Variants in STARD3NL observed in about 807,000 individuals in gnomAD.
STARD3NL encodes STARD3 N-terminal-like protein.
Under a neutral mutation model 30.9 loss-of-function variants are expected in STARD3NL, and 17 were observed. The observed-to-expected ratio is 0.55, with a 90% CI of 0.38 to 0.82. STARD3NL has a LOEUF of 0.82. Among genes scored for constraint, STARD3NL ranks in the 40% least tolerant of loss-of-function variants. The pLI, the probability that STARD3NL is intolerant of heterozygous loss-of-function variation, is 0.00. For synonymous variants in STARD3NL, 112 were observed against 100.5 expected (o/e 1.11, Z -0.69); for missense variants, 234 against 277.6 (o/e 0.84, Z 1.12).
At chr7:38,186,191 G>A (rs1310510252) in intron 1 of STARD3NL, among the ~76,000 whole-genome samples, 4 of 152,170 alleles carry the variant, frequency 2.6e-5, no homozygotes, top group African/African-American at 7.2e-5. Flanking sequence ...ACACTGAGGA[G>A]CAACACGACT....
chr7:38,224,410 C>T (rs974293309), intron 7 of STARD3NL, among the ~76,000 whole-genome samples: 8 of 152,134 alleles, frequency 5.3e-5, no homozygotes, highest in Non-Finnish European at 1.2e-4. Flanking sequence ...TTTTATTTTA[C>T]GTTCCCTCCA....
In STARD3NL at chr7:38,219,654, G is replaced by A. The variant is rs141608996; in HGVS notation, c.643G>A (p.Glu215Lys). 18 of 1,611,526 alleles carry A rather than the reference G, an allele frequency of 1.1e-5. No homozygotes were observed. The Middle Eastern group carries it at 5.0e-4, about 44-fold the overall frequency. ...TCAGTTTTATTCCCCTCCTGAATCC[G>A]AAGCAGGTAAAAAACTTGATTATTA... ...DGQFYSPPES[E>K]AGSEEAEEKQ... The change falls in exon 7 of 9, where the codon GAA becomes AAA. Residue 215 changes from glutamate (E) to lysine (K), a missense_variant. Physicochemically the swap from Glu to Lys is moderately conservative, Grantham distance 56. Coordinates refer to ENST00000009041, the MANE Select transcript of STARD3NL (RefSeq NM_032016.4).
chr7:38,206,003 C>T lies in STARD3NL; in HGVS notation c.-58-1444C>T, dbSNP rs950783133. ...ATCTTATTTCACATAATCAAATTGC[C>T]TTCATAAATGCTGTGCCATTTTACC... On this transcript the variant is annotated intron_variant, in intron 1 of 8. Transcript: ENST00000009041. 2.0e-5 allele frequency among the ~76,000 whole-genome samples: 3 copies of T among 152,260 alleles called. No homozygotes were observed. The South Asian group carries it at 6.2e-4, about 32-fold the overall frequency.
At position 38,182,152 on chromosome 7, in the gene STARD3NL, G is replaced by T. The variant is rs17171305; in HGVS notation, c.-59+3732G>T. Among the ~76,000 whole-genome samples the T allele has an allele frequency of 9.7e-3, 1,476 of 152,212 alleles. 49 individuals carry two copies. The East Asian group carries it at 0.13, about 13-fold the overall frequency. On this transcript the variant is annotated intron_variant, in intron 1 of 8. Transcript: ENST00000009041. The stretch of plus-strand genomic sequence containing the variant: ...ACTTGACAATTTGTGTTATATACGT[G>T]CACAGTTTTTTGCAGATTGTAGAGC...
At chr7:38,214,793 CTT>C (rs936412567) in intron 3 of STARD3NL, among the ~76,000 whole-genome samples, 1 of 152,046 alleles carries the variant, frequency 6.6e-6, no homozygotes. Context: ...AAAATGACAT[CTT>C]TTTTTTCTTG....
At chr7:38,189,108 G>A (rs1784579255) in intron 1 of STARD3NL, among the ~76,000 whole-genome samples, 1 of 143,068 alleles carries the variant, frequency 7.0e-6, no homozygotes, top group African/African-American at 2.5e-5. Context: ...AACTTTAACA[G>A]GCAGCCTTGG....
intron 1 of STARD3NL, among the ~76,000 whole-genome samples, chr7:38,194,935 C>A (rs1490257002): frequency 2.0e-5 from 3 of 151,896 alleles, no homozygotes. Flanking sequence ...ATGTCAAAAC[C>A]TTTCATTGTG....
chr7:38,223,561 CA>C (rs1179751502), intron 7 of STARD3NL, among the ~76,000 whole-genome samples: 1 of 152,174 alleles, frequency 6.6e-6, no homozygotes, highest in Non-Finnish European at 1.5e-5. Context: ...GCCACCTCCC[CA>C]GAGTAGCCAT....
chr7:38,189,856 G>A lies in STARD3NL; in HGVS notation c.-59+11436G>A, dbSNP rs80041730. Among the ~76,000 whole-genome samples, 708 of 152,210 alleles carry A rather than the reference G, an allele frequency of 4.7e-3. 4 individuals carry two copies. Among genetic ancestry groups the A allele is most frequent in the African/African-American group, 0.016 (659 of 41,514 alleles). On this transcript the variant is annotated intron_variant, in intron 1 of 8. Transcript: ENST00000009041. ...GTCTATCAGTGCAACTCAAACTTGT[G>A]TATCTAGGAATTTTTATACAAAGGT... is the stretch of plus-strand genomic sequence containing the variant.
rs1787040908 is a variant in STARD3NL, at chr7:38,230,545, A to AT, written c.*641dup. On this transcript the variant is annotated 3_prime_UTR_variant, in exon 9 of 9. Transcript: ENST00000009041. ...TTTGTATTATTTTTATCATGAAATCATGTTTTTCTCTGATTGTTCTGAAAT... is the reference window on the plus strand; with the variant it reads ...TTTGTATTATTTTTATCATGAAATCATTGTTTTTCTCTGATTGTTCTGAAAT... 6.6e-6 allele frequency: 1 copy of AT among 152,224 alleles called. No homozygotes were observed. Among genetic ancestry groups the AT allele is most frequent in the African/African-American group, 2.4e-5 (1 of 41,462 alleles). The allele number at this position is 152,224 out of a possible 1,614,324, so 9.4% of individuals were successfully genotyped here.
intron 1 of STARD3NL, among the ~76,000 whole-genome samples, chr7:38,200,109 A>G (rs900354661): frequency 6.6e-6 from 1 of 152,196 alleles, no homozygotes; most frequent in African/African-American, 2.4e-5. Flanking sequence ...AAGAGAGGCT[A>G]CCTTAGGCAG....
rs145692941 is a variant in STARD3NL, at chr7:38,183,315, G to C, written c.-59+4895G>C. Among the ~76,000 whole-genome samples, 245 of 152,232 alleles carry C rather than the reference G, an allele frequency of 1.6e-3. No individual in the cohort carries two copies. In the Middle Eastern group the frequency reaches 0.048, roughly 30 times the overall value. On this transcript the variant is annotated intron_variant, in intron 1 of 8. Coordinates refer to ENST00000009041, the MANE Select transcript of STARD3NL (RefSeq NM_032016.4). The stretch of plus-strand genomic sequence containing the variant: ...TCAGCACTGTTGATATTTTAGGCTG[G>C]GTAATTCTTTGTTGGGGACTGTTCT...
chr7:38,230,614 A>G lies in STARD3NL; in HGVS notation c.*709A>G, dbSNP rs2116482493. 6.6e-6 allele frequency: 1 copy of G among 152,376 alleles called. No individual in the cohort carries two copies. Among genetic ancestry groups the G allele is most frequent in the Admixed American group, 6.5e-5 (1 of 15,314 alleles). The allele number at this position is 152,376 out of a possible 1,614,324, so 9.4% of individuals were successfully genotyped here. ...TTGAATGCACAAAATGACTTAAACC[A>G]TTCATATCATGTTTCCTTTGCGTTC... On this transcript the variant is annotated 3_prime_UTR_variant, in exon 9 of 9. Coordinates refer to ENST00000009041, the MANE Select transcript of STARD3NL (RefSeq NM_032016.4).
chr7:38,207,856 T>G lies in STARD3NL; in HGVS notation c.225+127T>G, dbSNP rs1030751735. The G allele has an allele frequency of 1.7e-5, 15 of 867,120 alleles. No individual in the cohort carries two copies. In the Admixed American group the frequency reaches 1.9e-4, roughly 11 times the overall value. The allele number at this position is 867,120 out of a possible 1,614,324, so 53.7% of individuals were successfully genotyped here. On this transcript the variant is annotated intron_variant, in intron 2 of 8. Coordinates refer to ENST00000009041, the MANE Select transcript of STARD3NL (RefSeq NM_032016.4). The stretch of plus-strand genomic sequence containing the variant: ...ATCTTTTTCCAAATGAAGCCATTGC[T>G]TTTCTCCTCCTGATTTGGACCTTTC...
chr7:38,224,127 T>A (rs1345367536), intron 7 of STARD3NL, among the ~76,000 whole-genome samples: 2 of 151,586 alleles, frequency 1.3e-5, no homozygotes, highest in Non-Finnish European at 2.9e-5. Context: ...GTAGCATATA[T>A]CAGTGTTTTG....
intron 7 of STARD3NL, among the ~76,000 whole-genome samples, chr7:38,224,866 C>T (rs903794569): frequency 5.3e-5 from 8 of 152,030 alleles, no homozygotes; most frequent in Non-Finnish European, 1.0e-4. Flanking sequence ...TTATCATGTT[C>T]GTCTTATGGC....
intron 6 of STARD3NL, 91 bp downstream of exon 6, chr7:38,217,396 A>G (rs1355251330): frequency 2.5e-6 from 3 of 1,214,040 alleles, no homozygotes; most frequent in African/African-American, 3.0e-5. Flanking sequence ...TGGGGCTGCA[A>G]ATGGGTAGAG....
At chr7:38,209,074 T>G (rs901206268) in intron 2 of STARD3NL, among the ~76,000 whole-genome samples, 4 of 152,206 alleles carry the variant, frequency 2.6e-5, no homozygotes, top group African/African-American at 9.7e-5. Flanking sequence ...GTTTACAGAT[T>G]TTTCTTCTGT....
chr7:38,178,996 T>C lies in STARD3NL; in HGVS notation c.-59+576T>C, dbSNP rs888732748. 3 of 152,234 alleles carry C rather than the reference T, an allele frequency of 2.0e-5. 1 individual carries two copies. The South Asian group carries it at 6.2e-4, about 31-fold the overall frequency. 9.4% of individuals were successfully genotyped at this position (152,234 alleles called of 1,614,324 possible). A position where few individuals can be genotyped will look rare whatever the true frequency, so the allele number is the denominator to read the frequency against. On this transcript the variant is annotated intron_variant, in intron 1 of 8. Coordinates refer to ENST00000009041, the MANE Select transcript of STARD3NL (RefSeq NM_032016.4). ...TTGCTTGAATACTTTTGATTTAGGG[T>C]TAGGGATTTTTCCCCCTCTCTTTTA...
Sources: allele counts gnomAD v4.1 joint callset (sites outside exome capture counted in the v4.1 genomes callset), GRCh38; gene constraint gnomAD v4.1.1; transcripts MANE v1.5; gene names NCBI Gene and HGNC (gene_info 2026-07-23, HGNC 2026-07-21).